The following HPSE2 variants were observed in gnomAD, a reference collection of about 807,000 sequenced individuals.
The protein encoded by HPSE2 is inactive heparanase-2.
HPSE2 carries 38 observed loss-of-function variants against 60.5 expected under a neutral mutation model. That is an observed-to-expected ratio of 0.63 (90% CI 0.48 to 0.82). HPSE2 has a LOEUF of 0.82. Ranked by LOEUF, HPSE2 falls within the 40% of genes least tolerant of loss-of-function variation. The pLI is 0.00. For missense variants in HPSE2, 713 were observed against 740.4 expected, an observed-to-expected ratio of 0.96 and a Z score of 0.43; for synonymous variants, 295 against 293.2, an observed-to-expected ratio of 1.01 and a Z score of -0.06.
chr10:99,089,819 T>A (rs1420899370), intron 3 of HPSE2, among the ~76,000 whole-genome samples: 1 of 152,178 alleles, frequency 6.6e-6, no homozygotes, highest in East Asian at 1.9e-4. Flanking sequence ...TGGGATGTGT[T>A]TCCATTTGTT....
chr10:99,005,240 A>G (rs1956864680), intron 3 of HPSE2, among the ~76,000 whole-genome samples: 1 of 132,144 alleles, frequency 7.6e-6, no homozygotes, highest in Non-Finnish European at 1.6e-5. Context: ...TCTTTCAGTA[A>G]GCTTTTTACC....
intron 3 of HPSE2, among the ~76,000 whole-genome samples, chr10:99,096,466 C>T (rs1295384813): frequency 2.6e-5 from 4 of 152,066 alleles, no homozygotes; most frequent in Admixed American, 6.6e-5. Flanking sequence ...CCAAGGTTGT[C>T]GAACAATGTT....
At chr10:98,729,482 G>A (rs766011867) in intron 4 of HPSE2, among the ~76,000 whole-genome samples, 4 of 151,952 alleles carry the variant, frequency 2.6e-5, no homozygotes, top group Admixed American at 6.6e-5. Context: ...GGTGGCGGGC[G>A]CCTGTAATCC....
At chr10:98,913,430 C>T (rs1278756615) in intron 3 of HPSE2, among the ~76,000 whole-genome samples, 2 of 152,162 alleles carry the variant, frequency 1.3e-5, no homozygotes, top group African/African-American at 2.4e-5. Flanking sequence ...AAACTATTTT[C>T]TTATAGTGAA....
chr10:98,997,143 C>T (rs1355567698), intron 3 of HPSE2, among the ~76,000 whole-genome samples: 4 of 132,436 alleles, frequency 3.0e-5, no homozygotes, highest in Non-Finnish European at 4.7e-5. Flanking sequence ...GACAGAGTCT[C>T]ACTCTGTCAC....
intron 3 of HPSE2, among the ~76,000 whole-genome samples, chr10:99,131,335 G>A (rs1845376433): frequency 6.6e-6 from 1 of 152,266 alleles, no homozygotes; most frequent in African/African-American, 2.4e-5. Context: ...CCACTATTGG[G>A]TATCTACCCA....
intron 3 of HPSE2, among the ~76,000 whole-genome samples, chr10:99,076,535 G>A (rs959584813): frequency 6.6e-6 from 1 of 152,096 alleles, no homozygotes; most frequent in Non-Finnish European, 1.5e-5. Context: ...CCACAGGCAT[G>A]AGCCACCACA....
the HPSE2 span, among the ~76,000 whole-genome samples, chr10:99,301,068 C>T: frequency 6.6e-6 from 1 of 152,162 alleles, no homozygotes; most frequent in Non-Finnish European, 1.5e-5. Context: ...TGACCCAAGT[C>T]CCTGAAGATG....
intron 9 of HPSE2, among the ~76,000 whole-genome samples, chr10:98,498,937 A>G (rs1429077122): frequency 6.6e-6 from 1 of 152,188 alleles, no homozygotes; most frequent in Non-Finnish European, 1.5e-5. Flanking sequence ...AATTAACCCA[A>G]TCCAACAAAG....
At chr10:99,244,447 C>G in the HPSE2 span, among the ~76,000 whole-genome samples, 1 of 147,958 alleles carries the variant, frequency 6.8e-6, no homozygotes, top group Non-Finnish European at 1.5e-5. Flanking sequence ...CACTCTGTCA[C>G]CCAGGCTGGA....
intron 3 of HPSE2, among the ~76,000 whole-genome samples, chr10:98,836,626 G>T (rs1440748956): frequency 1.3e-5 from 2 of 152,222 alleles, no homozygotes; most frequent in Non-Finnish European, 2.9e-5. Flanking sequence ...TGGAATTCAT[G>T]AGCATGAACT....
intron 9 of HPSE2, among the ~76,000 whole-genome samples, chr10:98,561,165 G>GTTTTTTTT (rs141881144): frequency 6.9e-6 from 1 of 145,068 alleles, no homozygotes; most frequent in Non-Finnish European, 1.5e-5. Context: ...TTTTTTTTTT[G>GTTTTTTTT]TTCTTTTTTT....
chr10:98,691,170 G>C (rs1009585417), intron 6 of HPSE2, among the ~76,000 whole-genome samples: 1 of 152,158 alleles, frequency 6.6e-6, no homozygotes, highest in East Asian at 1.9e-4. Flanking sequence ...AATTGCCTGG[G>C]ATTCTTCCAT....
At chr10:99,055,456 T>C (rs1033353356) in intron 3 of HPSE2, among the ~76,000 whole-genome samples, 5 of 152,108 alleles carry the variant, frequency 3.3e-5, no homozygotes, top group African/African-American at 1.2e-4. Context: ...TTGGAAAATA[T>C]AAAAGCCTCA....
chr10:98,560,941 T>C (rs1316418395), intron 9 of HPSE2, among the ~76,000 whole-genome samples: 1 of 152,200 alleles, frequency 6.6e-6, no homozygotes, highest in Non-Finnish European at 1.5e-5. Flanking sequence ...TGATAATAAA[T>C]GACTTTGTGA....
At position 98,694,221 on chromosome 10, in the gene HPSE2, A is replaced by G. The variant is rs1468069083; in HGVS notation, c.957-274T>C. 2.6e-5 allele frequency among the ~76,000 whole-genome samples: 4 copies of G among 152,174 alleles called. No homozygotes were observed. In the East Asian group the frequency reaches 5.8e-4, roughly 22 times the overall value. On this transcript the variant is annotated intron_variant, in intron 5 of 11. Coordinates refer to ENST00000370552, the MANE Select transcript of HPSE2 (RefSeq NM_021828.5). The stretch of plus-strand genomic sequence containing the variant: ...CATTCTATCTACATCTGTCTTCCCA[A>G]GCCCACGCCTGATGACTCCCACATC...
intron 3 of HPSE2, among the ~76,000 whole-genome samples, chr10:98,760,172 T>A (rs1949973778): frequency 6.6e-6 from 1 of 152,068 alleles, no homozygotes; most frequent in Admixed American, 6.5e-5. Flanking sequence ...ATTCTAACAA[T>A]TTTTTAGTGA....
intron 3 of HPSE2, among the ~76,000 whole-genome samples, chr10:98,788,389 T>C: frequency 1.2e-5 from 1 of 83,678 alleles, no homozygotes; most frequent in Non-Finnish European, 3.0e-5. Context: ...AGGTTACTGC[T>C]GTCTTTTTGT....
At chr10:98,741,514 T>C (rs1280898284) in intron 4 of HPSE2, among the ~76,000 whole-genome samples, 3 of 151,900 alleles carry the variant, frequency 2.0e-5, no homozygotes, top group Non-Finnish European at 4.4e-5. Context: ...GAAAGATGTA[T>C]ATATTCTCTT....
Sources: allele counts gnomAD v4.1 joint callset (sites outside exome capture counted in the v4.1 genomes callset), GRCh38; gene constraint gnomAD v4.1.1; transcripts MANE v1.5; gene names NCBI Gene and HGNC (gene_info 2026-07-23, HGNC 2026-07-21).